SLC2A9: variants seen among roughly 807,000 people sequenced by gnomAD.
SLC2A9 encodes solute carrier family 2 member 9.
SLC2A9 carries 39 observed loss-of-function variants against 50.6 expected under a neutral mutation model. The observed-to-expected ratio is 0.77, with a 90% CI of 0.60 to 1.01. SLC2A9 has a LOEUF of 1.01. SLC2A9 is among the 50% of genes least tolerant of loss of function. The probability of loss-of-function intolerance (pLI) is 0.00; values close to 1 mark genes in which losing one functional copy is unlikely to be tolerated. For synonymous variants in SLC2A9, 324 were observed against 276.9 expected (o/e 1.17, Z -1.69); for missense variants, 686 against 677.6 (o/e 1.01, Z -0.14).
intron 11 of SLC2A9, among the ~76,000 whole-genome samples, chr4:9,828,944 T>C (rs1397714538): frequency 6.6e-6 from 1 of 152,170 alleles, no homozygotes; most frequent in Non-Finnish European, 1.5e-5. Flanking sequence ...AGTGGATGGA[T>C]GGACTGAGGC....
intron 3 of SLC2A9, among the ~76,000 whole-genome samples, chr4:9,994,161 T>A (rs1758200022): frequency 6.6e-6 from 1 of 152,196 alleles, no homozygotes; most frequent in Non-Finnish European, 1.5e-5. Context: ...CACATGCAGA[T>A]CTGAACTTCA....
intron 3 of SLC2A9, among the ~76,000 whole-genome samples, chr4:9,993,054 C>A (rs1757988100): frequency 6.6e-6 from 1 of 152,214 alleles, no homozygotes. Context: ...TCACCTTAAG[C>A]CCCAGATGTT....
At chr4:9,970,966 C>T (rs997352628) in intron 5 of SLC2A9, among the ~76,000 whole-genome samples, 2 of 152,184 alleles carry the variant, frequency 1.3e-5, no homozygotes, top group African/African-American at 4.8e-5. Context: ...TTCACTCTGA[C>T]CACCGGTACA....
intron 3 of SLC2A9, among the ~76,000 whole-genome samples, chr4:9,793,997 G>A (rs1456149013): frequency 6.6e-6 from 1 of 152,184 alleles, no homozygotes; most frequent in African/African-American, 2.4e-5. Flanking sequence ...GTGATTTTAA[G>A]TAAATGATTA....
At chr4:9,993,752 G>A (rs12499857) in intron 3 of SLC2A9, among the ~76,000 whole-genome samples, 69,710 of 151,678 alleles carry the variant, frequency 0.46, 17,691 homozygotes, top group South Asian at 0.59. Context: ...ATTCTTGATC[G>A]CTGAGAATTC....
chr4:9,941,084 G>A (rs1332754534), intron 6 of SLC2A9, among the ~76,000 whole-genome samples: 2 of 152,224 alleles, frequency 1.3e-5, no homozygotes, highest in Non-Finnish European at 2.9e-5. Flanking sequence ...AGCTGGATGT[G>A]AAGGTAGTGC....
Position 9,996,830 on chromosome 4 carries a change from C to T in SLC2A9, c.361G>A (p.Gly121Arg), listed in dbSNP as rs1758762911. 2 of 1,614,164 alleles carry T rather than the reference C, an allele frequency of 1.2e-6. No individual in the cohort carries two copies. Residue 121 changes from glycine (G) to arginine (R), a missense_variant, in exon 3 of 12, where the codon GGA (glycine) becomes AGA (arginine). Transcript: ENST00000264784. ...SVTVSIFAIG[G>R]LVGTLIVKMI... ...TTCACAATTAACGTCCCCACAAGTC[C>T]ACCGATGGCGAATATGGACACAGTC...
intron 3 of SLC2A9, among the ~76,000 whole-genome samples, chr4:9,800,003 T>C (rs1343946519): frequency 6.6e-6 from 1 of 152,124 alleles, no homozygotes; most frequent in Non-Finnish European, 1.5e-5. Flanking sequence ...AACTGAACAT[T>C]AGTAACATCC....
chr4:9,798,489 C>T (rs376174569), downstream of SLC2A9, among the ~76,000 whole-genome samples: 73 of 152,282 alleles, frequency 4.8e-4, no homozygotes, highest in African/African-American at 1.7e-3. Context: ...AGTTGTTTCT[C>T]CACACCCCCA....
rs553736517 is a variant in SLC2A9 at position 9,989,645 on chromosome 4, C to T, written c.411-3852G>A. ...TTCTCCCAACCAGGCTCTGAGACCCCCTGATAACAGCACACCTTTCCAAAT... is the reference window on the plus strand; with the variant it reads ...TTCTCCCAACCAGGCTCTGAGACCCTCTGATAACAGCACACCTTTCCAAAT... On this transcript the variant is annotated intron_variant, in intron 3 of 11. Transcript: ENST00000264784. Among the ~76,000 whole-genome samples the T allele has an allele frequency of 3.3e-5, 5 of 152,186 alleles. No homozygotes were observed. The East Asian group carries it at 9.7e-4, about 30-fold the overall frequency.
At chr4:9,816,621 A>G (rs1004402434) in intron 3 of SLC2A9, among the ~76,000 whole-genome samples, 14 of 152,194 alleles carry the variant, frequency 9.2e-5, no homozygotes, top group Non-Finnish European at 1.5e-4. Flanking sequence ...TTCATAACAT[A>G]TACTAATATC....
intron 6 of SLC2A9, among the ~76,000 whole-genome samples, chr4:9,927,582 G>C (rs548646304): frequency 6.6e-6 from 1 of 152,300 alleles, no homozygotes; most frequent in Admixed American, 6.5e-5. Context: ...TCTAAAAATA[G>C]GAGATTTCAT....
upstream of SLC2A9, among the ~76,000 whole-genome samples, chr4:10,024,629 G>C (rs890530971): frequency 6.6e-6 from 1 of 152,122 alleles, no homozygotes; most frequent in African/African-American, 2.4e-5. Flanking sequence ...ACTTTGTCTT[G>C]GCAGCCCCAG....
At chr4:9,947,979 G>A (rs74986450) in intron 5 of SLC2A9, among the ~76,000 whole-genome samples, 3,534 of 152,142 alleles carry the variant, frequency 0.023, 142 homozygotes, top group African/African-American at 0.08. Context: ...TCTTCTTTCA[G>A]ATAAGGTTGC....
intron 4 of SLC2A9, among the ~76,000 whole-genome samples, chr4:9,982,625 C>A (rs1206223223): frequency 1.3e-5 from 2 of 152,182 alleles, no homozygotes; most frequent in South Asian, 4.1e-4. Context: ...AACTGCCAAA[C>A]AGAGAATCTC....
intron 1 of SLC2A9, chr4:10,028,895 G>C (rs780794206): frequency 6.6e-6 from 1 of 152,328 alleles, no homozygotes; most frequent in Non-Finnish European, 1.5e-5. Context: ...GCCCCTCACC[G>C]CCCTGGGGTG....
At chr4:9,782,212 G>A in intron 3 of SLC2A9, 4 of 1,612,060 alleles carry the variant, frequency 2.5e-6, no homozygotes, top group Non-Finnish European at 3.4e-6. Flanking sequence ...ACGTGCTGGT[G>A]TGCGCAGCCA....
At chr4:9,813,671 T>G (rs1723171099) in intron 3 of SLC2A9, among the ~76,000 whole-genome samples, 4 of 152,094 alleles carry the variant, frequency 2.6e-5, no homozygotes, top group Admixed American at 2.6e-4. Context: ...ATCACAACAA[T>G]CCTAAAGCAG....
intron 1 of SLC2A9, among the ~76,000 whole-genome samples, chr4:9,772,674 T>C (rs1189980674): frequency 6.6e-6 from 1 of 152,206 alleles, no homozygotes; most frequent in Admixed American, 6.5e-5. Context: ...TGTTTTAAGC[T>C]GCTGAGACCC....
Sources: gnomAD v4.1 joint callset for allele counts (sites outside exome capture counted in the v4.1 genomes callset) on GRCh38, gnomAD v4.1.1 for gene constraint, MANE v1.5 for transcripts, NCBI Gene and HGNC (gene_info 2026-07-23, HGNC 2026-07-21) for gene names.